Variants in TEK observed in about 807,000 individuals in gnomAD.
TEK encodes TEK receptor tyrosine kinase.
Under a neutral mutation model 131.8 loss-of-function variants are expected in TEK, and 43 were observed. That is an observed-to-expected ratio of 0.33 (90% CI 0.26 to 0.42). The LOEUF (loss-of-function observed/expected upper bound fraction) is 0.42. TEK is among the 10% of genes least tolerant of loss of function. The pLI, the probability that TEK is intolerant of heterozygous loss-of-function variation, is 1.00. For synonymous variants in TEK, 580 were observed against 491.6 expected (o/e 1.18, Z -2.38); for missense variants, 1,162 against 1,384.4 (o/e 0.84, Z 2.55).
chr9:27,165,857 C>A (rs946132933), intron 2 of TEK, among the ~76,000 whole-genome samples: 1 of 152,254 alleles, frequency 6.6e-6, no homozygotes, highest in Non-Finnish European at 1.5e-5. Context: ...CCAGGGGAGT[C>A]TGTGCAAGGC....
At chr9:27,211,783 C>G (rs987185169) in intron 16 of TEK, among the ~76,000 whole-genome samples, 2 of 151,858 alleles carry the variant, frequency 1.3e-5, no homozygotes, top group Admixed American at 6.6e-5. Flanking sequence ...AGTTCTAATT[C>G]ATACATCATT....
chr9:27,143,723 G>T (rs536204206), intron 1 of TEK, among the ~76,000 whole-genome samples: 26 of 152,296 alleles, frequency 1.7e-4, no homozygotes, highest in African/African-American at 6.3e-4. Context: ...TAAAGGAGAA[G>T]TTGTTTTCCT....
At chr9:27,217,280 C>G (rs1363661202) in intron 18 of TEK, among the ~76,000 whole-genome samples, 1 of 152,188 alleles carries the variant, frequency 6.6e-6, no homozygotes, top group East Asian at 1.9e-4. Context: ...TCCATCATCT[C>G]CAGGCGTAGT....
At chr9:27,220,680 G>A (rs140368454) in intron 21 of TEK, among the ~76,000 whole-genome samples, 56 of 152,328 alleles carry the variant, frequency 3.7e-4, no homozygotes, top group Middle Eastern at 3.4e-3. Flanking sequence ...CCTGGGAAGC[G>A]CAAGGGGTTG....
rs1403394649 is a variant in TEK, at chr9:27,192,560, C to T, written c.1561C>T (p.Arg521Cys). ...TEYELCVQLV[R>C]RGEGGEGHPG... ...ATATGAACTCTGTGTGCAACTGGTC[C>T]GTCGTGGAGAGGGTGGGGAAGGGCA... The change falls in exon 11 of 23, where the codon CGT (arginine) becomes TGT (cysteine). Residue 521 changes from arginine to cysteine, a missense_variant. By Grantham distance (180) the Arg-to-Cys change is radical (BLOSUM62 -3). Transcript: ENST00000380036. The T allele has an allele frequency of 7.4e-6, 12 of 1,613,724 alleles. No homozygotes were observed. The highest frequency in any genetic ancestry group is 5.9e-6 in the Non-Finnish European group (7 of 1,179,894).
intron 14 of TEK, among the ~76,000 whole-genome samples, chr9:27,205,395 A>T (rs1186191053): frequency 6.6e-6 from 1 of 152,186 alleles, no homozygotes; most frequent in Non-Finnish European, 1.5e-5. Flanking sequence ...AATAAATTGA[A>T]CATTTTTGGT....
chr9:27,179,178 A>G (rs1255884227), intron 6 of TEK, among the ~76,000 whole-genome samples: 1 of 152,076 alleles, frequency 6.6e-6, no homozygotes. Context: ...TGGGCTATCT[A>G]TTGATGTTGC....
chr9:27,137,989 G>A (rs35637088), intron 1 of TEK, among the ~76,000 whole-genome samples: 35,674 of 151,666 alleles, frequency 0.24, 4,702 homozygotes, highest in Admixed American at 0.3. Context: ...TTGTGGTCTC[G>A]CTGACTTCAG....
intron 14 of TEK, 36 bp downstream of exon 14, chr9:27,205,101 A>G: frequency 6.2e-7 from 1 of 1,613,296 alleles, no homozygotes; most frequent in Non-Finnish European, 8.5e-7. Context: ...AATAAGGGCA[A>G]GTCCAAGTAC....
chr9:27,204,394 CCT>C (rs950301163), intron 13 of TEK, among the ~76,000 whole-genome samples: 1 of 151,966 alleles, frequency 6.6e-6, no homozygotes, highest in Non-Finnish European at 1.5e-5. Flanking sequence ...TTCCTCCCTC[CCT>C]CTCTCTCTTC....
At chr9:27,225,828 A>C (rs182953642) in intron 21 of TEK, among the ~76,000 whole-genome samples, 1,892 of 152,328 alleles carry the variant, frequency 0.012, 15 homozygotes, top group Non-Finnish European at 0.019. Flanking sequence ...AAATTTTTGC[A>C]ATCTATCCTT....
intron 13 of TEK, among the ~76,000 whole-genome samples, chr9:27,203,332 C>T (rs551713863): frequency 4.6e-5 from 7 of 152,230 alleles, no homozygotes; most frequent in South Asian, 4.2e-4. Flanking sequence ...ATCAGTCTAT[C>T]AGCATACCCC....
intron 1 of TEK, among the ~76,000 whole-genome samples, chr9:27,155,131 T>C (rs1024099700): frequency 6.6e-6 from 1 of 152,192 alleles, no homozygotes; most frequent in Admixed American, 6.5e-5. Flanking sequence ...TTGATGACTC[T>C]TTCTGGAACA....
Position 27,167,880 on chromosome 9 carries a change from A to G in TEK, c.365-615A>G, listed in dbSNP as rs78158023. 9.5e-3 allele frequency among the ~76,000 whole-genome samples: 1,429 copies of G among 150,732 alleles called. 22 individuals are homozygous for G. Among genetic ancestry groups the G allele is most frequent in the African/African-American group, 0.032 (1,309 of 41,148 alleles). Reference sequence around the variant, plus strand: ...ATTCATGTTTTTTTTTTCCCACTTTAAGAATACTTGGGATTGGAGAAGGAT... The same window carrying G: ...ATTCATGTTTTTTTTTTCCCACTTTGAGAATACTTGGGATTGGAGAAGGAT... On this transcript the variant is annotated intron_variant, in intron 2 of 22. Coordinates refer to ENST00000380036, the MANE Select transcript of TEK (RefSeq NM_000459.5).
intron 22 of TEK, 96 bp downstream of exon 22, chr9:27,228,401 C>G (rs1826423197): frequency 1.1e-6 from 1 of 945,580 alleles, no homozygotes; most frequent in Admixed American, 1.9e-5. Context: ...AGAAGTTCTT[C>G]TTGGCATGGC....
At chr9:27,140,966 A>G (rs997203697) in intron 1 of TEK, among the ~76,000 whole-genome samples, 2 of 151,588 alleles carry the variant, frequency 1.3e-5, no homozygotes, top group African/African-American at 2.4e-5. Context: ...TCATTCTTTT[A>G]TTGGTCCTTT....
chr9:27,189,452 A>T lies in TEK; in HGVS notation c.1328-1077A>T, dbSNP rs143666949. Among the ~76,000 whole-genome samples, 259 of 152,260 alleles carry T rather than the reference A, an allele frequency of 1.7e-3. 1 individual carries two copies. The highest frequency in any genetic ancestry group is 5.9e-3 in the African/African-American group (247 of 41,560). On this transcript the variant is annotated intron_variant, in intron 9 of 22. Transcript: ENST00000380036. ...CCATTGTAATATCTAAAATTTTTGC[A>T]TCCTCCAAGAACCAATTTTCATTGT...
intron 1 of TEK, among the ~76,000 whole-genome samples, chr9:27,141,287 A>C (rs1331443287): frequency 6.6e-6 from 1 of 151,656 alleles, no homozygotes; most frequent in Non-Finnish European, 1.5e-5. Context: ...TTCCCTGGTT[A>C]TTTTGATGTA....
At chr9:27,185,652 G>T in intron 9 of TEK, 23 bp downstream of exon 9, 2 of 1,613,256 alleles carry the variant, frequency 1.2e-6, no homozygotes, top group Non-Finnish European at 1.7e-6. Context: ...CCCAGAAAAA[G>T]GGATTGTGTC....
Sources: gnomAD v4.1 joint callset for allele counts (sites outside exome capture counted in the v4.1 genomes callset) on GRCh38, gnomAD v4.1.1 for gene constraint, MANE v1.5 for transcripts, NCBI Gene and HGNC (gene_info 2026-07-23, HGNC 2026-07-21) for gene names.